The following SETD3 variants were observed in gnomAD, a reference collection of about 807,000 sequenced individuals.
The protein encoded by SETD3 is SET domain containing 3, actin N3(tau)-histidine methyltransferase.
A neutral mutation model predicts 63.0 loss-of-function variants in SETD3; 19 were observed. The ratio of observed to expected loss-of-function variants is 0.30; its 90% CI spans 0.21 to 0.44. SETD3 has a LOEUF of 0.44. Among genes scored for constraint, SETD3 ranks in the 20% least tolerant of loss-of-function variants. The probability of loss-of-function intolerance (pLI) is 1.00; values close to 1 mark genes in which losing one functional copy is unlikely to be tolerated. For synonymous variants in SETD3, 286 were observed against 264.1 expected, an observed-to-expected ratio of 1.08 and a Z score of -0.80; for missense variants, 587 against 728.5, an observed-to-expected ratio of 0.81 and a Z score of 2.24.
At chr14:99,477,080 T>C (rs1318143354) in intron 1 of SETD3, among the ~76,000 whole-genome samples, 1 of 152,200 alleles carries the variant, frequency 6.6e-6, no homozygotes, top group African/African-American at 2.4e-5. Flanking sequence ...TAGTAATCAG[T>C]AGATCCCTTT....
chr14:99,464,341 T>G (rs1895247216), intron 2 of SETD3, among the ~76,000 whole-genome samples: 1 of 152,240 alleles, frequency 6.6e-6, no homozygotes. Flanking sequence ...TTGCTCTCTA[T>G]TAAAAGAGTA....
chr14:99,428,680 G>A (rs1893013743), intron 6 of SETD3, among the ~76,000 whole-genome samples: 1 of 152,086 alleles, frequency 6.6e-6, no homozygotes. Context: ...AAGTGATGGA[G>A]GAAGTGAGAA....
chr14:99,435,037 A>G (rs1893402504), intron 6 of SETD3, among the ~76,000 whole-genome samples: 1 of 152,032 alleles, frequency 6.6e-6, no homozygotes, highest in African/African-American at 2.4e-5. Context: ...TTTTTATTCT[A>G]TTAATACCAG....
chr14:99,425,235 A>T (rs1195842605), intron 6 of SETD3, among the ~76,000 whole-genome samples: 2 of 152,182 alleles, frequency 1.3e-5, no homozygotes, highest in Non-Finnish European at 2.9e-5. Context: ...CCTCTACAAG[A>T]TGGTTAGCCA....
At chr14:99,425,028 T>C (rs1037866999) in intron 6 of SETD3, among the ~76,000 whole-genome samples, 6 of 151,988 alleles carry the variant, frequency 3.9e-5, no homozygotes, top group Non-Finnish European at 7.4e-5. Flanking sequence ...GGGTGCCCTA[T>C]AGAACAGGAG....
Position 99,461,165 on chromosome 14 carries a change from CT to C in SETD3, c.345+26del, listed in dbSNP as rs760066119. On this transcript the variant is annotated intron_variant, in intron 4 of 12. Transcript: ENST00000331768. ...CACCACAGTTCAAACACATAGACCC[CT>C]TGAGACCAACATTTTATAAACTCAC... 202 of 1,612,940 alleles carry C rather than the reference CT, an allele frequency of 1.3e-4. 1 individual carries two copies. In the Admixed American group the frequency reaches 3.4e-3, roughly 27 times the overall value.
chr14:99,427,715 T>C (rs1892959362), intron 6 of SETD3, among the ~76,000 whole-genome samples: 2 of 152,166 alleles, frequency 1.3e-5, no homozygotes, highest in South Asian at 2.1e-4. Context: ...GTGCAAGGCA[T>C]TGTGGGGGGA....
intron 11 of SETD3, among the ~76,000 whole-genome samples, chr14:99,401,969 G>GCAACA (rs1212728087): frequency 9.2e-5 from 14 of 151,656 alleles, no homozygotes; most frequent in African/African-American, 3.4e-4. Context: ...TGGCCTGCCT[G>GCAACA]CAGGCCAGGA....
At chr14:99,437,083 A>G (rs1268343088) in intron 6 of SETD3, among the ~76,000 whole-genome samples, 1 of 152,242 alleles carries the variant, frequency 6.6e-6, no homozygotes, top group African/African-American at 2.4e-5. Context: ...GTATGAACTG[A>G]GGTCCTGAAA....
intron 3 of SETD3, among the ~76,000 whole-genome samples, chr14:99,462,281 T>C (rs1895110040): frequency 6.6e-6 from 1 of 152,106 alleles, no homozygotes; most frequent in South Asian, 2.1e-4. Context: ...TCCTATGTAG[T>C]CAAAAAGATG....
upstream of SETD3, among the ~76,000 whole-genome samples, chr14:99,484,747 G>T (rs1277781521): frequency 2.0e-5 from 3 of 152,150 alleles, no homozygotes; most frequent in Non-Finnish European, 4.4e-5. Flanking sequence ...AACTAATGAG[G>T]TTTCATTGAT....
chr14:99,465,664 C>T, intron 2 of SETD3, 39 bp downstream of exon 2: 1 of 1,509,124 alleles, frequency 6.6e-7, no homozygotes, highest in Non-Finnish European at 9.2e-7. Context: ...AAGGCACAGC[C>T]ACCACATCAA....
In SETD3 at chr14:99,400,031, G is replaced by A. The variant is rs113644941; in HGVS notation, c.1338+68C>T. The stretch of plus-strand genomic sequence containing the variant: ...GCTGGGATTACAGGCGTGAGCCACC[G>A]CACCAAGCCTCATTAAACATCTTAA... On this transcript the variant is annotated intron_variant, in intron 12 of 12. Transcript: ENST00000331768. 6.6e-3 allele frequency: 9,405 copies of A among 1,418,998 alleles called. 496 individuals carry two copies. The African/African-American group carries it at 0.12, about 18-fold the overall frequency. The allele number at this position is 1,418,998 out of a possible 1,614,324, so 87.9% of individuals were successfully genotyped here.
At chr14:99,483,811 A>T (rs894214333), upstream of SETD3, among the ~76,000 whole-genome samples, 1 of 152,190 alleles carries the variant, frequency 6.6e-6, no homozygotes, top group African/African-American at 2.4e-5. Context: ...GTCTTTGGAG[A>T]TATGCTACAG....
intron 6 of SETD3, among the ~76,000 whole-genome samples, chr14:99,432,471 T>G (rs1893236463): frequency 6.6e-6 from 1 of 152,234 alleles, no homozygotes; most frequent in African/African-American, 2.4e-5. Context: ...TATTCACACT[T>G]TAAGTATTGC....
chr14:99,461,422 G>T, intron 3 of SETD3, 82 bp from the exon 4 acceptor site: 1 of 1,397,264 alleles, frequency 7.2e-7, no homozygotes, highest in Non-Finnish European at 9.8e-7. Flanking sequence ...ATAAAAACAG[G>T]CCATAACTAA....
intron 6 of SETD3, among the ~76,000 whole-genome samples, chr14:99,425,297 A>G (rs1892821153): frequency 6.6e-6 from 1 of 152,208 alleles, no homozygotes; most frequent in African/African-American, 2.4e-5. Flanking sequence ...ATCCACGTGC[A>G]CACCTTGGTA....
rs1895193661 is a variant in SETD3, at chr14:99,463,525, T to C, written c.157A>G (p.Ile53Val). Reference protein sequence around the residue: ...PGKEWEEYVQIRTLVEKIRKK... With the variant: ...PGKEWEEYVQVRTLVEKIRKK... ...CGTATTTTCTCAACCAGAGTCCGGATCTGCACATACTCTTCCCACTCTTTT... is the reference window on the plus strand; with the variant it reads ...CGTATTTTCTCAACCAGAGTCCGGACCTGCACATACTCTTCCCACTCTTTT... The change falls in exon 3 of 13, where the codon ATC becomes GTC. Residue 53 changes from isoleucine (I) to valine (V), a missense_variant. Ile to Val is a conservative substitution (Grantham distance 29). Transcript: ENST00000331768. 1 of 1,613,984 alleles carries C rather than the reference T, an allele frequency of 6.2e-7. No individual in the cohort carries two copies. Among genetic ancestry groups the C allele is most frequent in the Non-Finnish European group, 8.5e-7 (1 of 1,180,028 alleles).
chr14:99,406,325 C>A (rs1305721608), intron 9 of SETD3, among the ~76,000 whole-genome samples, 191 bp downstream of exon 9: 1 of 152,174 alleles, frequency 6.6e-6, no homozygotes, highest in Non-Finnish European at 1.5e-5. Flanking sequence ...ATGCAAAGCA[C>A]AAGTGAGTAA....
Sources: allele counts gnomAD v4.1 joint callset (sites outside exome capture counted in the v4.1 genomes callset), GRCh38; gene constraint gnomAD v4.1.1; transcripts MANE v1.5; gene names NCBI Gene and HGNC (gene_info 2026-07-23, HGNC 2026-07-21).